Variants in LYST observed in about 807,000 individuals in gnomAD.
LYST encodes the protein lysosomal trafficking regulator.
In LYST, 192 loss-of-function variants were observed where a neutral mutation model predicts 413.6. That is an observed-to-expected ratio of 0.46 (90% CI 0.41 to 0.52). The LOEUF (loss-of-function observed/expected upper bound fraction) is 0.52, where lower values mean the gene tolerates loss of function less well. Ranked by LOEUF, LYST falls within the 20% of genes least tolerant of loss-of-function variation. The pLI is 0.00. For missense variants in LYST, 3,815 were observed against 4,499.9 expected (o/e 0.85, Z 4.35); for synonymous variants, 1,525 against 1,567.3 (o/e 0.97, Z 0.64).
chr1:235,784,901 C>T (rs994411043), intron 14 of LYST, among the ~76,000 whole-genome samples: 1 of 152,202 alleles, frequency 6.6e-6, no homozygotes, highest in African/African-American at 2.4e-5. Context: ...TTATTTGGAA[C>T]ATGGAACATG....
At chr1:235,860,251 T>C (rs1255544798) in intron 1 of LYST, among the ~76,000 whole-genome samples, 1 of 152,206 alleles carries the variant, frequency 6.6e-6, no homozygotes, top group Non-Finnish European at 1.5e-5. Flanking sequence ...AGTTTCCATG[T>C]ACACCCTGCT....
At chr1:235,868,138 C>G (rs1050352934), upstream of LYST, among the ~76,000 whole-genome samples, 1 of 152,124 alleles carries the variant, frequency 6.6e-6, no homozygotes, top group Non-Finnish European at 1.5e-5. Context: ...GAAGATTGCC[C>G]ACTTCCTCTG....
chr1:235,704,008 T>G (rs964528452), intron 44 of LYST, among the ~76,000 whole-genome samples: 1 of 152,210 alleles, frequency 6.6e-6, no homozygotes, highest in Non-Finnish European at 1.5e-5. Flanking sequence ...CATGTGGTAT[T>G]TGGTTTTCTG....
intron 19 of LYST, 92 bp from the exon 20 acceptor site, chr1:235,770,389 A>G: frequency 9.3e-7 from 1 of 1,073,932 alleles, no homozygotes; most frequent in Non-Finnish European, 1.4e-6. Context: ...ACAATTTAAC[A>G]TTGTGTATAT....
At chr1:235,856,633 TA>T (rs1558349116) in intron 1 of LYST, among the ~76,000 whole-genome samples, 1 of 152,172 alleles carries the variant, frequency 6.6e-6, no homozygotes, top group African/African-American at 2.4e-5. Context: ...TTCTGTTTTT[TA>T]AAAAATAAGG....
upstream of LYST, among the ~76,000 whole-genome samples, chr1:235,867,355 A>G (rs182635085): frequency 9.8e-4 from 149 of 152,000 alleles, 1 homozygote; most frequent in Admixed American, 2.3e-3. Flanking sequence ...TAGAGGATGA[A>G]GATAGAAGAA....
In LYST at chr1:235,712,201, T is replaced by G. The variant is rs866556712; in HGVS notation, c.9785-4A>C. ...TCTGGAATGTCAAAACTTTGATCTA[T>G]AAAAAAATACAAATAATACGATTAA... On this transcript the variant is annotated splice_region_variant and splice_polypyrimidine_tract_variant and intron_variant, in intron 42 of 52. Transcript: ENST00000389793. The G allele has an allele frequency of 6.4e-7, 1 of 1,568,146 alleles. No individual in the cohort carries two copies. Among genetic ancestry groups the G allele is most frequent in the Non-Finnish European group, 8.7e-7 (1 of 1,149,308 alleles).
upstream of LYST, among the ~76,000 whole-genome samples, chr1:235,869,619 C>CAA (rs1680842881): frequency 6.6e-6 from 1 of 152,198 alleles, no homozygotes; most frequent in Non-Finnish European, 1.5e-5. Flanking sequence ...ACAACACAGT[C>CAA]AACGTAAATG....
At chr1:235,810,555 G>A (rs1339694843) in intron 4 of LYST, 21 bp from the exon 5 acceptor site, 1 of 1,600,472 alleles carries the variant, frequency 6.2e-7, no homozygotes, top group African/African-American at 1.3e-5. Context: ...GAAAAAAGAA[G>A]GCTTAGAATA....
In LYST at chr1:235,809,763, T is replaced by A. The variant is rs1274299600; in HGVS notation, c.1055A>T (p.Asn352Ile). The change falls in exon 5 of 53, where the codon AAT (asparagine) becomes ATT (isoleucine). Residue 352 changes from asparagine to isoleucine, a missense_variant. By Grantham distance (149) the Asn-to-Ile change is moderately radical. This residue lies in a region of LYST where 1,648 missense variants were observed against 1,810.3 expected (regional missense o/e 0.91). Transcript: ENST00000389793. The surrounding 1 kb of genome is among the most constrained non-coding windows in gnomAD (Gnocchi z 4.0). The stretch of plus-strand genomic sequence containing the variant: ...AGCTGCTCTAAGCAATTCAGTTAAA[T>A]TTTTCCTAAGATTTTCTGGCATCAT... ...AEMMPENLRKNLTELLRAALK... is the reference protein window; with the variant it reads ...AEMMPENLRKILTELLRAALK... 1.2e-6 allele frequency: 2 copies of A among 1,614,110 alleles called. No homozygotes were observed.
At chr1:235,791,175 G>A (rs1196024927) in intron 12 of LYST, among the ~76,000 whole-genome samples, 3 of 152,008 alleles carry the variant, frequency 2.0e-5, no homozygotes, top group South Asian at 2.1e-4. Flanking sequence ...CCAGCTATTC[G>A]GGAGGCTGAG....
At chr1:235,880,987 G>A (rs191019231) in intron 1 of LYST, among the ~76,000 whole-genome samples, 14 of 152,236 alleles carry the variant, frequency 9.2e-5, no homozygotes, top group Admixed American at 6.5e-4. Context: ...TTAGCCGGGC[G>A]TGGTGGAGGG....
rs1037346229 is a variant in LYST at position 235,781,380 on chromosome 1, CT to C, written c.5024-326del. On this transcript the variant is annotated intron_variant, in intron 15 of 52. Transcript: ENST00000389793. ...ATTTTTTAAATAATGGGAGCTATAT[CT>C]TGGTAAACTCCATTTCTAACTAAAA... is the stretch of plus-strand genomic sequence containing the variant. Among the ~76,000 whole-genome samples, 6 of 152,140 alleles carry C rather than the reference CT, an allele frequency of 3.9e-5. No homozygotes were observed. The South Asian group carries it at 6.2e-4, about 16-fold the overall frequency.
chr1:235,747,657 C>T (rs901712749), intron 28 of LYST, among the ~76,000 whole-genome samples: 1 of 152,060 alleles, frequency 6.6e-6, no homozygotes, highest in African/African-American at 2.4e-5. Flanking sequence ...TCATGCTGTA[C>T]GTGCAGCTGA....
chr1:235,755,269 A>G (rs1666904539), intron 25 of LYST, among the ~76,000 whole-genome samples: 1 of 151,800 alleles, frequency 6.6e-6, no homozygotes. Flanking sequence ...CGTGCCTGTA[A>G]TCCCAGCTAC....
At chr1:235,791,315 ACTGT>A (rs1479267615) in intron 12 of LYST, among the ~76,000 whole-genome samples, 1 of 151,850 alleles carries the variant, frequency 6.6e-6, no homozygotes, top group African/African-American at 2.4e-5. Context: ...GGAAATGGGG[ACTGT>A]CTAATAGGGG....
At chr1:235,703,839 C>G (rs1043697102) in intron 44 of LYST, among the ~76,000 whole-genome samples, 3 of 152,246 alleles carry the variant, frequency 2.0e-5, no homozygotes, top group Non-Finnish European at 4.4e-5. Flanking sequence ...GTTTGTTGTA[C>G]AGATGATTTC....
chr1:235,790,098 G>A (rs1670834557), intron 12 of LYST, among the ~76,000 whole-genome samples: 2 of 151,950 alleles, frequency 1.3e-5, no homozygotes, highest in African/African-American at 4.8e-5. Context: ...TCTAAAATAT[G>A]TTTTCTAATA....
intron 1 of LYST, among the ~76,000 whole-genome samples, chr1:235,841,326 C>A (rs1677177375): frequency 1.3e-5 from 2 of 151,100 alleles, no homozygotes; most frequent in South Asian, 4.2e-4. Context: ...TTTTTTTTTT[C>A]AAGTATTTGT....
Sources: gnomAD v4.1 joint callset for allele counts (sites outside exome capture counted in the v4.1 genomes callset) on GRCh38, gnomAD v4.1.1 for gene constraint, gnomAD v4.1.1 regional missense constraint, Gnocchi (gnomAD v3.1) non-coding constraint, MANE v1.5 for transcripts, NCBI Gene and HGNC (gene_info 2026-07-23, HGNC 2026-07-21) for gene names.